MAP4K5: variants seen among roughly 807,000 people sequenced by gnomAD.
MAP4K5 encodes the protein mitogen-activated protein kinase kinase kinase kinase 5.
In MAP4K5, 82 loss-of-function variants were observed where a neutral mutation model predicts 135.6. The observed-to-expected ratio is 0.60, with a 90% CI of 0.51 to 0.73. The LOEUF is 0.73. Among genes scored for constraint, MAP4K5 ranks in the 30% least tolerant of loss-of-function variants. The pLI is 0.00. For synonymous variants in MAP4K5, 347 were observed against 335.0 expected (o/e 1.04, Z -0.39); for missense variants, 907 against 1,010.9 (o/e 0.90, Z 1.39).
intron 15 of MAP4K5, among the ~76,000 whole-genome samples, chr14:50,448,230 G>C (rs1225919866): frequency 6.6e-6 from 1 of 152,074 alleles, no homozygotes; most frequent in Non-Finnish European, 1.5e-5. Context: ...GGCCAGGCTG[G>C]TCTGGAACTC....
Position 50,486,742 on chromosome 14 carries a change from C to T in MAP4K5, c.167-548G>A, listed in dbSNP as rs1448494754. 5.9e-5 allele frequency among the ~76,000 whole-genome samples: 9 copies of T among 152,064 alleles called. No individual in the cohort carries two copies. The South Asian group carries it at 1.9e-3, about 32-fold the overall frequency. ...GGTCAGGAGTTCAAGACCAGCCTGG[C>T]CAACATGGTGAGACCCCGTTTCTAC... is the stretch of plus-strand genomic sequence containing the variant. On this transcript the variant is annotated intron_variant, in intron 3 of 32. Transcript: ENST00000682126.
rs77823233 is a variant in MAP4K5, at chr14:50,455,821, A to G, written c.1015+695T>C. Among the ~76,000 whole-genome samples the G allele has an allele frequency of 3.0e-4, 45 of 152,248 alleles. No individual in the cohort carries two copies. The East Asian group carries it at 7.7e-3, about 26-fold the overall frequency. Reference sequence around the variant, plus strand: ...TTTAAATCTCTCAGAACAAGTATTCATTTAAGGCAATAAACCAGAGAACTA... The same window carrying G: ...TTTAAATCTCTCAGAACAAGTATTCGTTTAAGGCAATAAACCAGAGAACTA... On this transcript the variant is annotated intron_variant, in intron 14 of 32. Transcript: ENST00000682126.
intron 14 of MAP4K5, among the ~76,000 whole-genome samples, chr14:50,454,073 A>G (rs2036548609): frequency 6.6e-6 from 1 of 152,228 alleles, no homozygotes; most frequent in Admixed American, 6.5e-5. Context: ...GTATGGTCAT[A>G]CAATGGAATA....
chr14:50,424,100 T>C (rs1190737469), intron 31 of MAP4K5, among the ~76,000 whole-genome samples: 1 of 151,988 alleles, frequency 6.6e-6, no homozygotes, highest in African/African-American at 2.4e-5. Flanking sequence ...CTATCTGTAT[T>C]TGAGTCCTTG....
At chr14:50,550,209 G>T (rs1019881901) in intron 1 of MAP4K5, among the ~76,000 whole-genome samples, 1 of 152,212 alleles carries the variant, frequency 6.6e-6, no homozygotes, top group Admixed American at 6.5e-5. Context: ...CTTACCAATT[G>T]GCTACTATAC....
chr14:50,445,680 A>C (rs1418393778), intron 17 of MAP4K5, among the ~76,000 whole-genome samples: 1 of 151,976 alleles, frequency 6.6e-6, no homozygotes, highest in Non-Finnish European at 1.5e-5. Flanking sequence ...AGCGATTCTC[A>C]TGCCTCAGCT....
chr14:50,457,625 ACT>A (rs146172158), intron 13 of MAP4K5, among the ~76,000 whole-genome samples: 3,795 of 152,014 alleles, frequency 0.025, 138 homozygotes, highest in African/African-American at 0.086. Flanking sequence ...CTTTAAAGAC[ACT>A]CTCATATATT....
intron 15 of MAP4K5, 59 bp from the exon 16 acceptor site, chr14:50,447,540 T>C: frequency 1.0e-6 from 1 of 955,142 alleles, no homozygotes; most frequent in Non-Finnish European, 1.6e-6. Flanking sequence ...AACCATTTTA[T>C]TTGATTCAAG....
At chr14:50,435,723 C>G (rs1486554230) in intron 26 of MAP4K5, among the ~76,000 whole-genome samples, 1 of 152,012 alleles carries the variant, frequency 6.6e-6, no homozygotes, top group Non-Finnish European at 1.5e-5. Context: ...TAGCAGTGTA[C>G]AGATGTCTAC....
intron 13 of MAP4K5, 65 bp downstream of exon 13, chr14:50,462,600 A>C (rs900951819): frequency 1.5e-4 from 171 of 1,137,800 alleles, no homozygotes; most frequent in Non-Finnish European, 2.2e-4. Context: ...CAAAGAAAAA[A>C]AAGCAAACTT....
intron 2 of MAP4K5, among the ~76,000 whole-genome samples, chr14:50,524,813 C>T (rs1013011859): frequency 6.6e-6 from 1 of 152,080 alleles, no homozygotes; most frequent in African/African-American, 2.4e-5. Context: ...CTTTATTCTA[C>T]AGACAAAGGA....
chr14:50,464,532 T>C (rs1595470918), intron 11 of MAP4K5, among the ~76,000 whole-genome samples: 4 of 152,246 alleles, frequency 2.6e-5, no homozygotes, highest in African/African-American at 9.6e-5. Flanking sequence ...TAAGAGACTA[T>C]TTAAATCCCA....
chr14:50,424,313 TTGTGCCTGG>T (rs1275426820), intron 31 of MAP4K5, among the ~76,000 whole-genome samples: 2 of 152,172 alleles, frequency 1.3e-5, no homozygotes, highest in African/African-American at 4.8e-5. Context: ...GTTCTAATCA[TTGTGCCTGG>T]AATGACTGAG....
intron 9 of MAP4K5, among the ~76,000 whole-genome samples, chr14:50,470,720 C>T (rs995180031): frequency 2.0e-5 from 3 of 151,710 alleles, no homozygotes; most frequent in African/African-American, 7.3e-5. Flanking sequence ...ATTGCATATA[C>T]TACTTGGAAT....
chr14:50,451,912 T>C (rs1331340979), intron 14 of MAP4K5, among the ~76,000 whole-genome samples: 1 of 152,166 alleles, frequency 6.6e-6, no homozygotes. Flanking sequence ...GCTTCCTAAC[T>C]GACAAAGGCT....
intron 1 of MAP4K5, 115 bp downstream of exon 1, chr14:50,532,333 C>G (rs2140131485): frequency 2.9e-6 from 1 of 344,420 alleles, no homozygotes; most frequent in African/African-American, 2.2e-5. Context: ...CCTTCCCCCT[C>G]CCCGGCCGCC....
chr14:50,464,173 A>C, intron 11 of MAP4K5, 40 bp from the exon 12 acceptor site: 1 of 986,058 alleles, frequency 1.0e-6, no homozygotes, highest in Non-Finnish European at 1.6e-6. Context: ...TTTCACTACT[A>C]TTACGTTTCG....
rs1178075707 is a variant in MAP4K5, at chr14:50,464,462, T to C, written c.738-329A>G. 2.0e-5 allele frequency among the ~76,000 whole-genome samples: 3 copies of C among 152,106 alleles called. No individual in the cohort carries two copies. The East Asian group carries it at 5.8e-4, about 29-fold the overall frequency. ...TTCTCATTGCATAATTTACCTAGTA[T>C]GTAAATATTGTGCTATACCAAAAGA... On this transcript the variant is annotated intron_variant, in intron 11 of 32. Transcript: ENST00000682126.
intron 11 of MAP4K5, among the ~76,000 whole-genome samples, chr14:50,464,414 T>C (rs1030781549): frequency 6.6e-6 from 1 of 152,228 alleles, no homozygotes; most frequent in Non-Finnish European, 1.5e-5. Context: ...TTCTAGGTAC[T>C]ACTTAGGAGT....
Sources: gnomAD v4.1 joint callset for allele counts (sites outside exome capture counted in the v4.1 genomes callset) on GRCh38, gnomAD v4.1.1 for gene constraint, MANE v1.5 for transcripts, NCBI Gene and HGNC (gene_info 2026-07-23, HGNC 2026-07-21) for gene names.